Variants in IFT74 observed in about 807,000 individuals in gnomAD.
The protein encoded by IFT74 is intraflagellar transport 74, also known as intraflagellar transport protein 74 homolog.
Under a neutral mutation model 96.7 loss-of-function variants are expected in IFT74, and 92 were observed. That is an observed-to-expected ratio of 0.95 (90% CI 0.80 to 1.13). The LOEUF (loss-of-function observed/expected upper bound fraction) is 1.13. Among genes scored for constraint, IFT74 ranks in the 50% most tolerant of loss-of-function variants. IFT74 has a pLI of 0.00. For synonymous variants in IFT74, 223 were observed against 213.2 expected (o/e 1.05, Z -0.40); for missense variants, 811 against 698.2 (o/e 1.16, Z -1.82).
chr9:27,037,828 T>C (rs1038740288), intron 13 of IFT74, among the ~76,000 whole-genome samples: 3 of 152,230 alleles, frequency 2.0e-5, no homozygotes, highest in African/African-American at 7.2e-5. Context: ...TTCAGTTTTA[T>C]TCCTAAAATG....
chr9:27,007,144 T>C (rs1462249376), intron 8 of IFT74, among the ~76,000 whole-genome samples: 1 of 152,150 alleles, frequency 6.6e-6, no homozygotes, highest in African/African-American at 2.4e-5. Context: ...GCCTGTTTAC[T>C]TACTTTTATG....
chr9:27,025,748 A>G (rs1017198099), intron 12 of IFT74, among the ~76,000 whole-genome samples: 2 of 152,196 alleles, frequency 1.3e-5, no homozygotes, highest in Non-Finnish European at 2.9e-5. Context: ...AGCTTCATAA[A>G]TGAAGCAAAG....
intron 12 of IFT74, among the ~76,000 whole-genome samples, chr9:27,027,644 T>C (rs1829928309): frequency 6.6e-6 from 1 of 152,214 alleles, no homozygotes; most frequent in Non-Finnish European, 1.5e-5. Flanking sequence ...TTTGCTCATT[T>C]TTTAAACTAG....
intron 12 of IFT74, among the ~76,000 whole-genome samples, chr9:27,020,992 A>G (rs1046227890): frequency 1.3e-5 from 2 of 152,064 alleles, no homozygotes; most frequent in Admixed American, 6.5e-5. Context: ...CTCATAGCTT[A>G]GCTCCCACTT....
upstream of IFT74, among the ~76,000 whole-genome samples, chr9:26,954,590 G>T: frequency 6.7e-6 from 1 of 150,142 alleles, no homozygotes; most frequent in African/African-American, 2.5e-5. Context: ...GCCAGAAGGA[G>T]TTGGAGCACT....
At chr9:26,996,166 G>T in intron 8 of IFT74, 1 of 587,912 alleles carries the variant, frequency 1.7e-6, no homozygotes, top group Non-Finnish European at 2.7e-6. Context: ...AGCCTAGTTT[G>T]GAAGAGCAAT....
intron 13 of IFT74, among the ~76,000 whole-genome samples, chr9:27,043,081 G>C (rs1819546446): frequency 6.6e-6 from 1 of 152,212 alleles, no homozygotes; most frequent in Non-Finnish European, 1.5e-5. Context: ...CATTTGAACT[G>C]AGTAGTAGTT....
chr9:27,062,232 G>A (rs1013927279), intron 19 of IFT74, among the ~76,000 whole-genome samples: 2 of 152,168 alleles, frequency 1.3e-5, no homozygotes, highest in African/African-American at 2.4e-5. Context: ...TGATTTTGGA[G>A]CAGAGCGAAG....
chr9:27,062,978 TAAAG>T lies in IFT74; in HGVS notation c.*246_*249del, dbSNP rs1820493439. 2 of 399,376 alleles carry T rather than the reference TAAAG, an allele frequency of 5.0e-6. No individual in the cohort carries two copies. The highest frequency in any genetic ancestry group is 4.7e-5 in the Admixed American group (1 of 21,056). The allele number at this position is 399,376 out of a possible 1,614,324, so 24.7% of individuals were successfully genotyped here. A position where few individuals can be genotyped will look rare whatever the true frequency, so the allele number is the denominator to read the frequency against. ...TGCTACTTGTATTTGAACCAAGAGATAAAGAAACTAAAAGTGACCGTTGAAATTT... is the reference window on the plus strand; with the variant it reads ...TGCTACTTGTATTTGAACCAAGAGATAAACTAAAAGTGACCGTTGAAATTT... On this transcript the variant is annotated 3_prime_UTR_variant, in exon 20 of 20. Coordinates refer to ENST00000380062, the MANE Select transcript of IFT74 (RefSeq NM_025103.4).
chr9:27,038,850 G>A (rs937778215), intron 13 of IFT74, among the ~76,000 whole-genome samples: 2 of 152,154 alleles, frequency 1.3e-5, no homozygotes, highest in Non-Finnish European at 2.9e-5. Context: ...CAAAGCCTCC[G>A]TGTCACCTGA....
chr9:27,042,948 A>T (rs1257483605), intron 13 of IFT74, among the ~76,000 whole-genome samples: 1 of 152,196 alleles, frequency 6.6e-6, no homozygotes, highest in African/African-American at 2.4e-5. Flanking sequence ...TATTTTACAA[A>T]TGTGTGTATA....
At chr9:27,033,387 GTC>G (rs1238826476) in intron 13 of IFT74, among the ~76,000 whole-genome samples, 1 of 151,708 alleles carries the variant, frequency 6.6e-6, no homozygotes, top group African/African-American at 2.4e-5. Flanking sequence ...GCGAAAACCT[GTC>G]TCTACAAAAA....
chr9:26,963,316 C>A (rs888598441), intron 2 of IFT74, among the ~76,000 whole-genome samples: 2 of 151,998 alleles, frequency 1.3e-5, no homozygotes, highest in Non-Finnish European at 2.9e-5. Flanking sequence ...GCATGGTATT[C>A]CATGGTGTAT....
chr9:27,060,576 CT>C lies in IFT74; in HGVS notation c.1624-11del. ...AATATGGGTCCTAATTAATATTTTT[CT>C]TTTATGTTTTTAGCTTACAAATTTG... On this transcript the variant is annotated splice_polypyrimidine_tract_variant and intron_variant, in intron 18 of 19. Coordinates refer to ENST00000380062, the MANE Select transcript of IFT74 (RefSeq NM_025103.4). 6.4e-7 allele frequency: 1 copy of C among 1,564,790 alleles called. No homozygotes were observed.
In IFT74 at chr9:26,957,916, A is replaced by AT. The variant is rs375083298; in HGVS notation, c.-20+1410dup. ...CTACGCCCGCCACCACGCCCGGATAATTTTTTTTTTGTATTTTTAGTAGAG... is the reference window on the plus strand; with the variant it reads ...CTACGCCCGCCACCACGCCCGGATAATTTTTTTTTTTGTATTTTTAGTAGAG... On this transcript the variant is annotated intron_variant, in intron 1 of 19. Transcript: ENST00000380062. 7.3e-3 allele frequency among the ~76,000 whole-genome samples: 1,095 copies of AT among 149,390 alleles called. 8 individuals carry two copies. Among genetic ancestry groups the AT allele is most frequent in the African/African-American group, 0.022 (903 of 40,720 alleles).
intron 1 of IFT74, among the ~76,000 whole-genome samples, chr9:26,960,419 T>C (rs1418507947): frequency 6.6e-6 from 1 of 152,230 alleles, no homozygotes; most frequent in Non-Finnish European, 1.5e-5. Context: ...ATGTGTAAAT[T>C]TATGTAAATA....
At chr9:26,954,447 T>G (rs1000203073), upstream of IFT74, among the ~76,000 whole-genome samples, 6 of 152,194 alleles carry the variant, frequency 3.9e-5, no homozygotes, top group Admixed American at 2.0e-4. Context: ...AAACCACTTA[T>G]GATTTGGAGC....
intron 19 of IFT74, 104 bp from the exon 20 acceptor site, chr9:27,062,514 T>G: frequency 3.1e-6 from 2 of 651,994 alleles, no homozygotes; most frequent in Non-Finnish European, 5.4e-6. Flanking sequence ...TAATTGTGCT[T>G]TTTTGTACCA....
At chr9:27,050,276 C>T (rs187557915) in intron 16 of IFT74, among the ~76,000 whole-genome samples, 2 of 152,138 alleles carry the variant, frequency 1.3e-5, no homozygotes, top group Non-Finnish European at 2.9e-5. Context: ...CCAGGCTTGT[C>T]TCAAACTCCT....
Sources: allele counts gnomAD v4.1 joint callset (sites outside exome capture counted in the v4.1 genomes callset), GRCh38; gene constraint gnomAD v4.1.1; transcripts MANE v1.5; gene names NCBI Gene and HGNC (gene_info 2026-07-23, HGNC 2026-07-21).